Variants in ADAM7 observed in about 807,000 individuals in gnomAD.
The protein encoded by ADAM7 is disintegrin and metalloproteinase domain-containing protein 7.
In ADAM7, 97 loss-of-function variants were observed where a neutral mutation model predicts 102.9. That is an observed-to-expected ratio of 0.94 (90% CI 0.80 to 1.12). ADAM7 has a LOEUF of 1.12. Among genes scored for constraint, ADAM7 ranks in the 50% most tolerant of loss-of-function variants. The pLI is 0.00. For missense variants in ADAM7, 991 were observed against 908.7 expected, an observed-to-expected ratio of 1.09 and a Z score of -1.16; for synonymous variants, 334 against 304.4, an observed-to-expected ratio of 1.10 and a Z score of -1.01.
At chr8:24,450,840 T>C (rs1818755409) in intron 3 of ADAM7, among the ~76,000 whole-genome samples, 1 of 152,184 alleles carries the variant, frequency 6.6e-6, no homozygotes, top group Non-Finnish European at 1.5e-5. Flanking sequence ...ACCTAATGTA[T>C]TGAGAGTTTT....
At chr8:24,452,060 T>A (rs917572561) in intron 3 of ADAM7, among the ~76,000 whole-genome samples, 5 of 152,288 alleles carry the variant, frequency 3.3e-5, no homozygotes, top group African/African-American at 1.2e-4. Flanking sequence ...GAGGAGAGCT[T>A]TACTTCCAAC....
intron 3 of ADAM7, among the ~76,000 whole-genome samples, chr8:24,457,550 ACAGGC>A (rs200926217): frequency 0.02 from 3,111 of 152,294 alleles, 114 homozygotes; most frequent in African/African-American, 0.072. Context: ...TGATAGGATT[ACAGGC>A]ATGAGCCACT....
At chr8:24,507,564 C>G in intron 21 of ADAM7, 29 bp downstream of exon 21, 1 of 1,571,714 alleles carries the variant, frequency 6.4e-7, no homozygotes, top group Non-Finnish European at 8.8e-7. Context: ...TAGTACCTCC[C>G]TTTTTTATTT....
At position 24,482,220 on chromosome 8, in the gene ADAM7, T is replaced by G. The variant is rs547306323; in HGVS notation, c.784T>G (p.Ser262Ala). Residue 262 changes from serine (S) to alanine (A), a missense_variant, in exon 9 of 22, where the codon TCA (serine) becomes GCA (alanine). Physicochemically the swap from Ser to Ala is moderately conservative, Grantham distance 99. Transcript: ENST00000175238. ...ACATGAAGATAAAATAGAACTATATTCAAATATAGAAACTACCTTATTGCG... is the reference window on the plus strand; with the variant it reads ...ACATGAAGATAAAATAGAACTATATGCAAATATAGAAACTACCTTATTGCG... ...WTHEDKIELY[S>A]NIETTLLRFS... 5.0e-6 allele frequency: 8 copies of G among 1,610,000 alleles called. No homozygotes were observed. In the African/African-American group the frequency reaches 8.0e-5, roughly 16 times the overall value.
intron 1 of ADAM7, 98 bp from the exon 2 acceptor site, chr8:24,442,375 T>TG (rs1294949605): frequency 4.8e-6 from 4 of 832,716 alleles, no homozygotes; most frequent in Non-Finnish European, 8.5e-6. Flanking sequence ...GGCTGCTAAC[T>TG]GGGGGCAAAT....
intron 3 of ADAM7, among the ~76,000 whole-genome samples, chr8:24,449,422 C>T (rs1477939848): frequency 6.6e-6 from 1 of 152,162 alleles, no homozygotes; most frequent in Admixed American, 6.5e-5. Flanking sequence ...AGCATTTTTT[C>T]ATGTGTTTTT....
At chr8:24,464,942 G>A (rs1368419410) in intron 4 of ADAM7, among the ~76,000 whole-genome samples, 2 of 150,018 alleles carry the variant, frequency 1.3e-5, no homozygotes, top group African/African-American at 4.9e-5. Context: ...GCACGCCACC[G>A]TGCCCAGCTA....
chr8:24,495,933 A>T (rs1820537249), intron 16 of ADAM7, among the ~76,000 whole-genome samples: 1 of 152,254 alleles, frequency 6.6e-6, no homozygotes, highest in Non-Finnish European at 1.5e-5. Flanking sequence ...ATAAGTAATG[A>T]GATGCCAAAT....
intron 7 of ADAM7, among the ~76,000 whole-genome samples, chr8:24,470,647 G>A (rs955563499): frequency 5.3e-5 from 8 of 152,204 alleles, no homozygotes; most frequent in Non-Finnish European, 1.2e-4. Context: ...TAGTGACATC[G>A]TAGCCATCAT....
At chr8:24,478,558 C>T (rs1194887647) in intron 8 of ADAM7, among the ~76,000 whole-genome samples, 1 of 152,106 alleles carries the variant, frequency 6.6e-6, no homozygotes, top group East Asian at 1.9e-4. Context: ...GTCCTGCCCA[C>T]GTTGAAAGGG....
intron 3 of ADAM7, among the ~76,000 whole-genome samples, chr8:24,463,322 G>T (rs1188078055): frequency 6.6e-6 from 1 of 152,112 alleles, no homozygotes; most frequent in Non-Finnish European, 1.5e-5. Flanking sequence ...TTAAAGCACT[G>T]TAAGGCAGGC....
At chr8:24,494,965 G>A (rs142448842) in intron 16 of ADAM7, among the ~76,000 whole-genome samples, 1 of 152,284 alleles carries the variant, frequency 6.6e-6, no homozygotes, top group Admixed American at 6.5e-5. Flanking sequence ...TTTTCTTCCA[G>A]CTCTAACAGA....
chr8:24,468,095 A>T (rs1014087109), intron 6 of ADAM7, among the ~76,000 whole-genome samples: 1 of 152,072 alleles, frequency 6.6e-6, no homozygotes, highest in Non-Finnish European at 1.5e-5. Flanking sequence ...ATAAATTTAA[A>T]AAAAAGATCT....
chr8:24,500,170 T>C lies in ADAM7; in HGVS notation c.1924-8T>C. On this transcript the variant is annotated splice_region_variant and splice_polypyrimidine_tract_variant and intron_variant, in intron 17 of 21. Transcript: ENST00000175238. The stretch of plus-strand genomic sequence containing the variant: ...CATTTGAGAATATATCATTGACTGC[T>C]CTTCCAGGTGGATGGCCACGGACTC... The C allele has an allele frequency of 5.6e-6, 9 of 1,608,172 alleles. No individual in the cohort carries two copies. The highest frequency in any genetic ancestry group is 1.1e-5 in the South Asian group (1 of 90,376).
chr8:24,451,380 A>G (rs1018902307), intron 3 of ADAM7, among the ~76,000 whole-genome samples: 1 of 152,094 alleles, frequency 6.6e-6, no homozygotes, highest in African/African-American at 2.4e-5. Flanking sequence ...TAGTCTTGGG[A>G]GGGTTATGTG....
At position 24,491,932 on chromosome 8, in the gene ADAM7, G is replaced by T. The variant is rs7836859; in HGVS notation, c.1386G>T (p.Pro462=). ...QIKKAGSICR[P]AKDECDFPEM... ...AAAAAGCAGGGTCCATATGCAGACCGGCGAAAGATGAATGTGATTTTCCTG... is the reference window on the plus strand; with the variant it reads ...AAAAAGCAGGGTCCATATGCAGACCTGCGAAAGATGAATGTGATTTTCCTG... Residue 462 remains proline (P), a synonymous_variant, in exon 14 of 22, where the codon CCG becomes CCT. Coordinates refer to ENST00000175238, the MANE Select transcript of ADAM7 (RefSeq NM_003817.4). The T allele has an allele frequency of 6.2e-7, 1 of 1,612,674 alleles. No individual in the cohort carries two copies. The highest frequency in any genetic ancestry group is 1.7e-5 in the Admixed American group (1 of 59,834).
At chr8:24,464,204 T>C (rs1475874319) in intron 4 of ADAM7, among the ~76,000 whole-genome samples, 1 of 152,196 alleles carries the variant, frequency 6.6e-6, no homozygotes, top group East Asian at 1.9e-4. Flanking sequence ...AACTGATTTC[T>C]GTACACTCAA....
At chr8:24,504,023 A>AAAAATAAAATAAAATAAAAT (rs140673463) in intron 20 of ADAM7, among the ~76,000 whole-genome samples, 2 of 145,698 alleles carry the variant, frequency 1.4e-5, no homozygotes, top group East Asian at 4.0e-4. Context: ...CTTCAAGTAC[A>AAAAATAAAATAAAATAAAAT]AAAATAAAAT....
chr8:24,463,563 A>G (rs973291386), intron 3 of ADAM7, among the ~76,000 whole-genome samples: 1 of 152,144 alleles, frequency 6.6e-6, no homozygotes, highest in Admixed American at 6.5e-5. Flanking sequence ...CATCACATTT[A>G]TTAATGCATG....
Sources: allele counts gnomAD v4.1 joint callset (sites outside exome capture counted in the v4.1 genomes callset), GRCh38; gene constraint gnomAD v4.1.1; transcripts MANE v1.5; gene names NCBI Gene and HGNC (gene_info 2026-07-23, HGNC 2026-07-21).